Variants in SDC2 observed in about 807,000 individuals in gnomAD.
SDC2 encodes syndecan-2.
Under a neutral mutation model 22.2 loss-of-function variants are expected in SDC2, and 13 were observed. The observed-to-expected ratio is 0.59, with a 90% confidence interval of 0.38 to 0.93. The LOEUF (loss-of-function observed/expected upper bound fraction) is 0.93. SDC2 is among the 40% of genes least tolerant of loss of function. The pLI, the probability that SDC2 is intolerant of heterozygous loss-of-function variation, is 0.00. For missense variants in SDC2, 235 were observed against 246.8 expected (o/e 0.95, Z 0.32); for synonymous variants, 94 against 92.8 (o/e 1.01, Z -0.07).
chr8:96,596,839 A>C (rs562111559), intron 2 of SDC2, among the ~76,000 whole-genome samples: 9 of 152,360 alleles, frequency 5.9e-5, no homozygotes. Flanking sequence ...TAGTGGGGAC[A>C]GACTTGGCAG....
At chr8:96,536,835 T>G (rs1813762162) in intron 1 of SDC2, among the ~76,000 whole-genome samples, 1 of 152,220 alleles carries the variant, frequency 6.6e-6, no homozygotes, top group African/African-American at 2.4e-5. Context: ...ATGCTTTTCC[T>G]TCTGTGGCAA....
chr8:96,511,521 A>G (rs1201991717), intron 1 of SDC2, among the ~76,000 whole-genome samples: 1 of 152,124 alleles, frequency 6.6e-6, no homozygotes, highest in Non-Finnish European at 1.5e-5. Context: ...AGCCCTTAGA[A>G]CGCCCTTAAT....
intron 1 of SDC2, among the ~76,000 whole-genome samples, chr8:96,588,412 A>AATGTGT (rs1814722076): frequency 6.6e-6 from 1 of 152,174 alleles, no homozygotes; most frequent in Non-Finnish European, 1.5e-5. Flanking sequence ...TTTCCTTTAC[A>AATGTGT]ATGTGTGTTG....
At chr8:96,582,378 A>G (rs911248340) in intron 1 of SDC2, among the ~76,000 whole-genome samples, 2 of 152,060 alleles carry the variant, frequency 1.3e-5, no homozygotes, top group African/African-American at 2.4e-5. Context: ...GGTGCTAGGT[A>G]TTAAAAACCC....
At position 96,564,562 on chromosome 8, in the gene SDC2, C is replaced by CT. The variant is rs1814266340; in HGVS notation, c.61-28917dup. On this transcript the variant is annotated intron_variant, in intron 1 of 4. Coordinates refer to ENST00000302190, the MANE Select transcript of SDC2 (RefSeq NM_002998.4). ...CCTCACACAGAGAGGTAAAGGGTCT[C>CT]TAATTTAATGGACCTTTGTGAAGGA... is the stretch of plus-strand genomic sequence containing the variant. Among the ~76,000 whole-genome samples, 7 of 152,272 alleles carry CT rather than the reference C, an allele frequency of 4.6e-5. No homozygotes were observed. The South Asian group carries it at 1.5e-3, about 32-fold the overall frequency.
Position 96,573,337 on chromosome 8 carries a change from C to CTCAGCG in SDC2, c.61-20143_61-20142insTCAGCG, listed in dbSNP as rs1814429117. Among the ~76,000 whole-genome samples the CTCAGCG allele has an allele frequency of 9.2e-4, 47 of 50,940 alleles. 4 individuals are homozygous for CTCAGCG. The highest frequency in any genetic ancestry group is 2.1e-3 in the South Asian group (3 of 1,444). The allele number at this position is 50,940 out of a possible 152,430, so 33.4% of individuals were successfully genotyped here. A position where few individuals can be genotyped will look rare whatever the true frequency, so the allele number is the denominator to read the frequency against. ...CCTTCTGGCAAGTTTCCAAGAGTGCCAGGACCCCAAATTAGAAACCTGGGT... is the reference window on the plus strand; with the variant it reads ...CCTTCTGGCAAGTTTCCAAGAGTGCCTCAGCGAGGACCCCAAATTAGAAACCTGGGT... On this transcript the variant is annotated intron_variant, in intron 1 of 4. Coordinates refer to ENST00000302190, the MANE Select transcript of SDC2 (RefSeq NM_002998.4).
intron 1 of SDC2, among the ~76,000 whole-genome samples, chr8:96,565,083 G>GTTTTTTTTTTTTTTTTTTTTTTTTTTTTT (rs1563663668): frequency 6.3e-5 from 1 of 15,928 alleles, no homozygotes; most frequent in Non-Finnish European, 1.8e-4. Context: ...TCCTAAATTT[G>GTTTTTTTTTTTTTTTTTTTTTTTTTTTTT]ATTTTTTTTT....
At chr8:96,536,374 G>A (rs892616474) in intron 1 of SDC2, among the ~76,000 whole-genome samples, 4 of 152,056 alleles carry the variant, frequency 2.6e-5, no homozygotes, top group African/African-American at 9.7e-5. Flanking sequence ...AGGCTGGACT[G>A]CAGTAGTGCG....
At chr8:96,499,344 A>G (rs746127995) in intron 1 of SDC2, among the ~76,000 whole-genome samples, 5 of 152,184 alleles carry the variant, frequency 3.3e-5, no homozygotes, top group Non-Finnish European at 7.4e-5. Flanking sequence ...ACAATCAGAA[A>G]CCTGAATGGG....
chr8:96,521,403 G>A (rs531762214), intron 1 of SDC2, among the ~76,000 whole-genome samples: 1 of 152,266 alleles, frequency 6.6e-6, no homozygotes, highest in Non-Finnish European at 1.5e-5. Flanking sequence ...GGGAAAGCTC[G>A]GATCTAGGGA....
intron 1 of SDC2, among the ~76,000 whole-genome samples, chr8:96,494,965 TG>T (rs1813046678): frequency 1.3e-5 from 2 of 152,298 alleles, no homozygotes; most frequent in South Asian, 4.1e-4. Context: ...AAGGGGATAC[TG>T]GGGGAGGCAC....
At chr8:96,547,678 G>A (rs1813956851) in intron 1 of SDC2, among the ~76,000 whole-genome samples, 1 of 151,980 alleles carries the variant, frequency 6.6e-6, no homozygotes. Flanking sequence ...TGAGCGTCTA[G>A]GTTTAAAGGA....
chr8:96,590,693 G>GA (rs1319366643), intron 1 of SDC2, among the ~76,000 whole-genome samples: 1 of 152,082 alleles, frequency 6.6e-6, no homozygotes, highest in East Asian at 1.9e-4. Context: ...GCTACAGAGT[G>GA]AAAAGGGCCC....
intron 1 of SDC2, among the ~76,000 whole-genome samples, chr8:96,576,475 AGT>A (rs1491450224): frequency 1.4e-5 from 1 of 73,486 alleles, no homozygotes; most frequent in Non-Finnish European, 2.7e-5. Context: ...GCTGGAGTGC[AGT>A]GGCGGGACCT....
chr8:96,495,730 C>T (rs1422830394), intron 1 of SDC2, among the ~76,000 whole-genome samples: 1 of 152,040 alleles, frequency 6.6e-6, no homozygotes, highest in Non-Finnish European at 1.5e-5. Context: ...TGGCATCGAG[C>T]GGCAGATGGA....
Position 96,606,545 on chromosome 8 carries a change from G to A in SDC2, c.307-1790G>A, listed in dbSNP as rs562972659. On this transcript the variant is annotated intron_variant, in intron 3 of 4. Coordinates refer to ENST00000302190, the MANE Select transcript of SDC2 (RefSeq NM_002998.4). ...GTCAGTGCCAGCTACATAGTGCCCT[G>A]TATAGCTCAGAAGTGAAGGAGTAAG... Among the ~76,000 whole-genome samples the A allele has an allele frequency of 3.3e-5, 5 of 152,316 alleles. No individual in the cohort carries two copies. In the South Asian group the frequency reaches 1.0e-3, roughly 32 times the overall value.
intron 1 of SDC2, among the ~76,000 whole-genome samples, chr8:96,534,315 G>A (rs1813717217): frequency 1.3e-5 from 2 of 152,222 alleles, no homozygotes; most frequent in South Asian, 4.1e-4. Flanking sequence ...CGGACGCTGA[G>A]GCTGAGGAGG....
chr8:96,525,510 A>G (rs752771157), intron 1 of SDC2, among the ~76,000 whole-genome samples: 1 of 152,074 alleles, frequency 6.6e-6, no homozygotes, highest in Non-Finnish European at 1.5e-5. Context: ...GGGCATGGAG[A>G]AGGTTCTTGC....
intron 1 of SDC2, among the ~76,000 whole-genome samples, chr8:96,494,984 G>T (rs143090009): frequency 6.6e-6 from 1 of 152,224 alleles, no homozygotes; most frequent in African/African-American, 2.4e-5. Context: ...CACGGAACGC[G>T]TCCGAAAATG....
Sources: allele counts gnomAD v4.1 joint callset (sites outside exome capture counted in the v4.1 genomes callset), GRCh38; gene constraint gnomAD v4.1.1; transcripts MANE v1.5; gene names NCBI Gene and HGNC (gene_info 2026-07-23, HGNC 2026-07-21).